ROGDI: variants seen among roughly 807,000 people sequenced by gnomAD.
The protein encoded by ROGDI is protein rogdi homolog.
Under a neutral mutation model 43.1 loss-of-function variants are expected in ROGDI, and 46 were observed. The ratio of observed to expected loss-of-function variants is 1.07; its 90% confidence interval spans 0.84 to 1.37. The LOEUF (loss-of-function observed/expected upper bound fraction) is 1.37. Among genes scored for constraint, ROGDI ranks in the 40% most tolerant of loss-of-function variants. The pLI is 0.00. For synonymous variants in ROGDI, 243 were observed against 162.0 expected, an observed-to-expected ratio of 1.50 and a Z score of -3.80; for missense variants, 518 against 383.9, an observed-to-expected ratio of 1.35 and a Z score of -2.92.
At chr16:4,800,457 T>G (rs772506959) in intron 5 of ROGDI, 41 bp downstream of exon 5, 5 of 1,511,456 alleles carry the variant, frequency 3.3e-6, no homozygotes, top group Non-Finnish European at 4.5e-6. Flanking sequence ...TGCTGCCGCC[T>G]GTCCTTGTGG....
rs2082694047 is a variant in ROGDI at position 4,799,684 on chromosome 16, A to AC, written c.432+1dup. 7 of 1,611,182 alleles carry AC rather than the reference A, an allele frequency of 4.3e-6. No homozygotes were observed. Among genetic ancestry groups the AC allele is most frequent in the Non-Finnish European group, 5.9e-6 (7 of 1,178,122 alleles). On this transcript the variant is annotated splice_donor_variant, in intron 6 of 10. Transcript: ENST00000322048. LOFTEE classifies it high-confidence loss of function. Reference sequence around the variant, plus strand: ...CAGGAGTCAGGCCCGGGGGCAGCTCACCTTGAGGACCTCAGCGCCCGTCTT... The same window carrying AC: ...CAGGAGTCAGGCCCGGGGGCAGCTCACCCTTGAGGACCTCAGCGCCCGTCTT...
rs764971818 is a variant in ROGDI at position 4,798,173 on chromosome 16, G to A, written c.543C>T (p.Ala181=). 1 of 1,613,682 alleles carries A rather than the reference G, an allele frequency of 6.2e-7. No homozygotes were observed. The highest frequency in any genetic ancestry group is 2.2e-5 in the East Asian group (1 of 44,872). ...IAASGLTRMF[A]PALPSDLLVN... is the part of the protein sequence containing the mutation. ...CCAGCAGGTCGGACGGCAGGGCAGG[G>A]GCGAACATCCGCTGCGGGAGGCAGG... Residue 181 remains alanine (A), a synonymous_variant, in exon 8 of 11, where the codon GCC becomes GCT. Coordinates refer to ENST00000322048, the MANE Select transcript of ROGDI (RefSeq NM_024589.3).
At position 4,802,594 on chromosome 16, in the gene ROGDI, C is replaced by A; in HGVS notation, c.-23G>T. On this transcript the variant is annotated 5_prime_UTR_variant, in exon 1 of 11. Coordinates refer to ENST00000322048, the MANE Select transcript of ROGDI (RefSeq NM_024589.3). ...CATGGCCGCAGGCCGCCGCCGAGCG[C>A]CCTCCCCACCGGCCGCTGCTCCTGT... 1.5e-6 allele frequency: 2 copies of A among 1,302,286 alleles called. No homozygotes were observed. Among genetic ancestry groups the A allele is most frequent in the East Asian group, 3.1e-5 (1 of 32,198 alleles). The allele number at this position is 1,302,286 out of a possible 1,614,324, so 80.7% of individuals were successfully genotyped here.
In ROGDI at chr16:4,799,672, C is replaced by G; in HGVS notation, c.432+14G>C. 1 of 1,603,990 alleles carries G rather than the reference C, an allele frequency of 6.2e-7. No individual in the cohort carries two copies. ...TGGGACTAGGCCCAGGAGTCAGGCC[C>G]GGGGGCAGCTCACCTTGAGGACCTC... On this transcript the variant is annotated intron_variant, in intron 6 of 10. Coordinates refer to ENST00000322048, the MANE Select transcript of ROGDI (RefSeq NM_024589.3).
At chr16:4,799,226 C>T (rs1388229069) in intron 6 of ROGDI, among the ~76,000 whole-genome samples, 2 of 152,084 alleles carry the variant, frequency 1.3e-5, no homozygotes, top group Non-Finnish European at 2.9e-5. Flanking sequence ...CACGTAAGAG[C>T]TGACTGGGGG....
intron 2 of ROGDI, 92 bp downstream of exon 2, chr16:4,802,290 C>T (rs1399121206): frequency 5.9e-6 from 7 of 1,184,008 alleles, no homozygotes; most frequent in Non-Finnish European, 8.3e-6. Flanking sequence ...ACACTGTAGG[C>T]GCTCAGGACG....
intron 7 of ROGDI, 25 bp from the exon 8 acceptor site, chr16:4,798,209 C>G (rs768300853): frequency 6.5e-5 from 103 of 1,581,246 alleles, no homozygotes; most frequent in Admixed American, 2.1e-4. Flanking sequence ...TGGGATGAGG[C>G]CCTCGCAAGC....
chr16:4,800,880 T>G, intron 4 of ROGDI: 1 of 512,952 alleles, frequency 1.9e-6, no homozygotes, highest in Non-Finnish European at 3.5e-6. Context: ...ATCTAGTGTC[T>G]ACAAAGGGCA....
At chr16:4,799,823 T>G (rs1165867136) in intron 5 of ROGDI, 42 bp from the exon 6 acceptor site, 3 of 1,450,606 alleles carry the variant, frequency 2.1e-6, no homozygotes, top group Non-Finnish European at 2.9e-6. Context: ...CCAGCTTCCA[T>G]GCGGCCAGGA....
At chr16:4,801,856 G>A in intron 2 of ROGDI, 1 of 586,630 alleles carries the variant, frequency 1.7e-6, no homozygotes, top group Non-Finnish European at 3.1e-6. Context: ...TCCCAGCTTG[G>A]TTGAGGGGGA....
chr16:4,799,017 T>C (rs1489562544), intron 6 of ROGDI, among the ~76,000 whole-genome samples: 1 of 151,950 alleles, frequency 6.6e-6, no homozygotes, highest in African/African-American at 2.4e-5. Flanking sequence ...AGAGAGGGCT[T>C]CCTGGAAGAG....
rs1384897869 is a variant in ROGDI, at chr16:4,798,100, G to T, written c.616C>A (p.Leu206Met). 6.2e-7 allele frequency: 1 copy of T among 1,614,038 alleles called. No homozygotes were observed. The highest frequency in any genetic ancestry group is 1.7e-5 in the Admixed American group (1 of 60,024). The stretch of plus-strand genomic sequence containing the variant: ...GTGGAGTTGGGCTGCAGGGCATGCA[G>T]CTGGTACACCGTGAGGCAGAGCTTG... The part of the protein sequence containing the change: ...LNKLCLTVYQ[L>M]HALQPNSTKN... Residue 206 changes from leucine to methionine, a missense_variant, in exon 8 of 11, where the codon CTG becomes ATG. Leu to Met is a conservative substitution (Grantham distance 15). Coordinates refer to ENST00000322048, the MANE Select transcript of ROGDI (RefSeq NM_024589.3).
rs570952151 is a variant in ROGDI at position 4,802,381 on chromosome 16, C to T, written c.117+1G>A. 3.2e-6 allele frequency: 5 copies of T among 1,570,250 alleles called. No homozygotes were observed. Among genetic ancestry groups the T allele is most frequent in the African/African-American group, 1.4e-5 (1 of 73,208 alleles). On this transcript the variant is annotated splice_donor_variant, in intron 2 of 10. Coordinates refer to ENST00000322048, the MANE Select transcript of ROGDI (RefSeq NM_024589.3). LOFTEE classifies it high-confidence loss of function. ...CGGCGGGGCAGGGCGCGGGTCGTTA[C>T]CTTGAGGATGTCCTGCAGCTGCTTC...
At position 4,800,527 on chromosome 16, in the gene ROGDI, G is replaced by C; in HGVS notation, c.307C>G (p.Arg103Gly). 1 of 1,562,352 alleles carries C rather than the reference G, an allele frequency of 6.4e-7. No individual in the cohort carries two copies. The highest frequency in any genetic ancestry group is 8.7e-7 in the Non-Finnish European group (1 of 1,152,496). ...RNNQLLHFAF[R>G]EDKQWKLQQI... ...TGCAGCTTCCACTGCTTGTCCTCCCGGAAGGCGAAGTGCAGCAGCTGGTTG... is the reference window on the plus strand; with the variant it reads ...TGCAGCTTCCACTGCTTGTCCTCCCCGAAGGCGAAGTGCAGCAGCTGGTTG... The change falls in exon 5 of 11, where the codon CGG becomes GGG. Residue 103 changes from arginine (R) to glycine (G), a missense_variant. Arg to Gly is a moderately radical substitution (Grantham distance 125). Coordinates refer to ENST00000322048, the MANE Select transcript of ROGDI (RefSeq NM_024589.3).
chr16:4,802,423 C>T lies in ROGDI; in HGVS notation c.76G>A (p.Glu26Lys). The change falls in exon 2 of 11, where the codon GAG becomes AAG. Residue 26 changes from glutamate (E) to lysine (K), a missense_variant. Coordinates refer to ENST00000322048, the MANE Select transcript of ROGDI (RefSeq NM_024589.3). ...EEEFRWLLHDEVHAVLKQLQD... is the reference protein window; with the variant it reads ...EEEFRWLLHDKVHAVLKQLQD... The stretch of plus-strand genomic sequence containing the variant: ...AGCTGCTTCAACACAGCGTGCACCT[C>T]GTCGTGCAGCAGCCAGCGGAACTCC... The T allele has an allele frequency of 6.6e-7, 1 of 1,509,936 alleles. No homozygotes were observed. The highest frequency in any genetic ancestry group is 8.8e-7 in the Non-Finnish European group (1 of 1,134,708). 93.5% of individuals were successfully genotyped at this position (1,509,936 alleles called of 1,614,324 possible).
Position 4,802,410 on chromosome 16 carries a change from A to C in ROGDI, c.89T>G (p.Val30Gly). Reference sequence around the variant, plus strand: ...GAGGATGTCCTGCAGCTGCTTCAACACAGCGTGCACCTCGTCGTGCAGCAG... The same window carrying C: ...GAGGATGTCCTGCAGCTGCTTCAACCCAGCGTGCACCTCGTCGTGCAGCAG... The part of the protein sequence containing the change: ...RWLLHDEVHA[V>G]LKQLQDILKE... Residue 30 changes from valine (V) to glycine (G), a missense_variant, in exon 2 of 11, where the codon GTG becomes GGG. Transcript: ENST00000322048. The C allele has an allele frequency of 6.5e-7, 1 of 1,548,904 alleles. No homozygotes were observed.
At position 4,801,287 on chromosome 16, in the gene ROGDI, C is replaced by T. The variant is rs774658087; in HGVS notation, c.235G>A (p.Gly79Arg). 3.1e-6 allele frequency: 5 copies of T among 1,608,928 alleles called. No homozygotes were observed. The Admixed American group carries it at 5.0e-5, about 16-fold the overall frequency. ...CTCACCGCCTGGCTGAGGGCATCCC[C>T]CTGCAGAGTCAGCACACCCTTCACC... ...DQVKGVLTLQ[G>R]DALSQADVNL... is the part of the protein sequence containing the mutation. The change falls in exon 4 of 11, where the codon GGG (glycine) becomes AGG (arginine). Residue 79 changes from glycine (G) to arginine (R), a missense_variant. By Grantham distance (125) the Gly-to-Arg change is moderately radical. Coordinates refer to ENST00000322048, the MANE Select transcript of ROGDI (RefSeq NM_024589.3).
rs1453052262 is a variant in ROGDI, at chr16:4,800,414, T to C, written c.336+84A>G. On this transcript the variant is annotated intron_variant, in intron 5 of 10. Transcript: ENST00000322048. ...TGCTGTGGCCACAGATCCCCAGGGC[T>C]AGTCCCTCTCCAGGGAGGCCCCGCG... 12 of 1,085,322 alleles carry C rather than the reference T, an allele frequency of 1.1e-5. 1 individual carries two copies. In the South Asian group the frequency reaches 1.7e-4, roughly 15 times the overall value. The allele number at this position is 1,085,322 out of a possible 1,614,324, so 67.2% of individuals were successfully genotyped here. A position where few individuals can be genotyped will look rare whatever the true frequency, so the allele number is the denominator to read the frequency against.
intron 7 of ROGDI, 81 bp from the exon 8 acceptor site, chr16:4,798,265 A>G: frequency 2.6e-6 from 3 of 1,165,032 alleles, no homozygotes; most frequent in Admixed American, 2.0e-5. Context: ...TCACTCATGG[A>G]GTCTGCAGGG....
Sources: gnomAD v4.1 joint callset for allele counts (sites outside exome capture counted in the v4.1 genomes callset) on GRCh38, gnomAD v4.1.1 for gene constraint, MANE v1.5 for transcripts, NCBI Gene and HGNC (gene_info 2026-07-23, HGNC 2026-07-21) for gene names.